Variants in PIGS observed in about 807,000 individuals in gnomAD.
The protein encoded by PIGS is GPI-anchor transamidase component PIGS.
Under a neutral mutation model 58.2 loss-of-function variants are expected in PIGS, and 37 were observed. That is an observed-to-expected ratio of 0.64 (90% CI 0.49 to 0.84). The LOEUF (loss-of-function observed/expected upper bound fraction) is 0.84. Among genes scored for constraint, PIGS ranks in the 40% least tolerant of loss-of-function variants. The probability of loss-of-function intolerance (pLI) is 0.00; values close to 1 mark genes in which losing one functional copy is unlikely to be tolerated. For missense variants in PIGS, 629 were observed against 710.8 expected (o/e 0.88, Z 1.31); for synonymous variants, 269 against 289.2 (o/e 0.93, Z 0.71).
Position 28,563,488 on chromosome 17 carries a change from T to C in PIGS, c.411A>G (p.Gln137=). 6.2e-7 allele frequency: 1 copy of C among 1,614,058 alleles called. No individual in the cohort carries two copies. Among genetic ancestry groups the C allele is most frequent in the South Asian group, 1.1e-5 (1 of 91,086 alleles). ...CGTACACAGTCAGGGAGCCCTCCGCTTGTTCCTGAGGCTCATCTAACATGG... is the reference window on the plus strand; with the variant it reads ...CGTACACAGTCAGGGAGCCCTCCGCCTGTTCCTGAGGCTCATCTAACATGG... ...AEAMLDEPQE[Q]AEGSLTVYVI... Residue 137 remains glutamine, a synonymous_variant, in exon 5 of 12, where the codon CAA becomes CAG. Transcript: ENST00000308360.
Position 28,554,254 on chromosome 17 carries a change from CG to C in PIGS, c.1633del (p.Arg545AlafsTer42). On this transcript the variant is annotated frameshift_variant, in exon 12 of 12. Coordinates refer to ENST00000308360, the MANE Select transcript of PIGS (RefSeq NM_033198.4). LOFTEE classifies it high-confidence loss of function. ...CTTCTCAGGCTTTCTCCAGGACTTG[CG>C]GGTCTCCAGGAAGATCTTGACCAGG... The part of the protein sequence containing the change: ...LSLVKIFLET[R>X]KSWRKPEKTD 6.2e-7 allele frequency: 1 copy of C among 1,614,100 alleles called. No homozygotes were observed. The highest frequency in any genetic ancestry group is 8.5e-7 in the Non-Finnish European group (1 of 1,180,000).
rs149906500 is a variant in PIGS at position 28,556,858 on chromosome 17, G to A, written c.1049C>T (p.Ala350Val). The A allele has an allele frequency of 6.2e-7, 1 of 1,614,144 alleles. No individual in the cohort carries two copies. Among genetic ancestry groups the A allele is most frequent in the East Asian group, 2.2e-5 (1 of 44,888 alleles). The part of the protein sequence containing the change: ...DKDGAPVATN[A>V]FHSPRWGGIM... The stretch of plus-strand genomic sequence containing the variant: ...GCCACCCCAGCGGGGACTATGGAAG[G>A]CATTGGTGGCCACTGGAGCGCCATC... Residue 350 changes from alanine (A) to valine (V), a missense_variant, in exon 9 of 12, where the codon GCC (alanine) becomes GTC (valine). Ala to Val is a moderately conservative substitution (Grantham distance 64). Transcript: ENST00000308360.
At chr17:28,558,406 A>T in intron 8 of PIGS, 70 bp downstream of exon 8, 1 of 1,291,630 alleles carries the variant, frequency 7.7e-7, no homozygotes, top group Non-Finnish European at 1.1e-6. Context: ...CCTGTCCCCT[A>T]CCCAGCTGAG....
intron 3 of PIGS, among the ~76,000 whole-genome samples, chr17:28,566,136 G>A (rs987599624): frequency 6.6e-6 from 1 of 151,066 alleles, no homozygotes; most frequent in African/African-American, 2.4e-5. Flanking sequence ...GAGAGCTTGA[G>A]GTAAGAGGAC....
At chr17:28,570,665 G>A (rs943040417) in intron 3 of PIGS, among the ~76,000 whole-genome samples, 187 bp downstream of exon 3, 2 of 152,316 alleles carry the variant, frequency 1.3e-5, no homozygotes, top group Admixed American at 6.5e-5. Context: ...TGTCTTACGA[G>A]TAAAATTGCT....
intron 3 of PIGS, among the ~76,000 whole-genome samples, chr17:28,570,015 T>C (rs982988521): frequency 6.6e-6 from 1 of 152,246 alleles, no homozygotes; most frequent in Non-Finnish European, 1.5e-5. Flanking sequence ...ATTACATCTC[T>C]CAAAACTTTC....
chr17:28,556,638 G>T lies in PIGS; in HGVS notation c.1080+189C>A, dbSNP rs150904482. 5.9e-4 allele frequency: 427 copies of T among 729,778 alleles called. No individual in the cohort carries two copies. The African/African-American group carries it at 7.3e-3, about 12-fold the overall frequency. The allele number at this position is 729,778 out of a possible 1,614,324, so 45.2% of individuals were successfully genotyped here. ...AAAGGGTCACAGTATAGAAAACACT[G>T]GCGGAAACAAAAGTGGGGCCGGCAG... On this transcript the variant is annotated intron_variant, in intron 9 of 11. Transcript: ENST00000308360.
At position 28,556,271 on chromosome 17, in the gene PIGS, A is replaced by C; in HGVS notation, c.1081-5T>G. On this transcript the variant is annotated splice_polypyrimidine_tract_variant and splice_region_variant and intron_variant, in intron 9 of 11. Transcript: ENST00000308360. ...TTTGGAGTCAACATTATATACCTGA[A>C]AGGGGGAATGAGATTGCCACAACAT... The C allele has an allele frequency of 6.3e-7, 1 of 1,594,634 alleles. No homozygotes were observed. The highest frequency in any genetic ancestry group is 8.6e-7 in the Non-Finnish European group (1 of 1,162,222).
chr17:28,567,585 A>C (rs1320640425), intron 3 of PIGS, among the ~76,000 whole-genome samples: 1 of 152,244 alleles, frequency 6.6e-6, no homozygotes, highest in Non-Finnish European at 1.5e-5. Context: ...CTAAATACAG[A>C]CTGAGAATTA....
In PIGS at chr17:28,554,976, G is replaced by C. The variant is rs760008554; in HGVS notation, c.1267C>G (p.Leu423Val). The stretch of plus-strand genomic sequence containing the variant: ...GACCGAGCCCAGAGCAGCCGGTCTA[G>C]CTCCCAGGTCATTAGCCCTTCACTC... ...PTSEGLMTWE[L>V]DRLLWARSVE... The change falls in exon 11 of 12, where the codon CTA becomes GTA. Residue 423 changes from leucine (L) to valine (V), a missense_variant. Transcript: ENST00000308360. The C allele has an allele frequency of 1.7e-5, 27 of 1,611,568 alleles. No homozygotes were observed. The East Asian group carries it at 6.0e-4, about 36-fold the overall frequency.
chr17:28,556,357 C>A, intron 9 of PIGS, 91 bp from the exon 10 acceptor site: 1 of 1,001,974 alleles, frequency 1.0e-6, no homozygotes. Context: ...AAAACATATT[C>A]TGTGCTCTTT....
chr17:28,571,468 T>G lies in PIGS; in HGVS notation c.29A>C (p.His10Pro), dbSNP rs879680253. MAAAGAAATHLEVARGKRAA... is the reference protein window; with the variant it reads MAAAGAAATPLEVARGKRAA... ...CCACCCGAAGCCCACCGCACCTAGG[T>G]GTGTAGCCGCAGCCCCGGCGGCCGC... The change falls in exon 1 of 12, where the codon CAC (histidine) becomes CCC (proline). Residue 10 changes from histidine to proline, a missense_variant. By Grantham distance (77) the His-to-Pro change is moderately conservative. Transcript: ENST00000308360. 1 of 1,609,792 alleles carries G rather than the reference T, an allele frequency of 6.2e-7. No homozygotes were observed. Among genetic ancestry groups the G allele is most frequent in the Admixed American group, 1.7e-5 (1 of 59,758 alleles).
At position 28,560,056 on chromosome 17, in the gene PIGS, T is replaced by G; in HGVS notation, c.812A>C (p.Asp271Ala). Reference sequence around the variant, plus strand: ...ACTTGCTCCCGGTCTCACCTGAGAGTCCACAGAGAAGTTGCCAGCGGCACC... The same window carrying G: ...ACTTGCTCCCGGTCTCACCTGAGAGGCCACAGAGAAGTTGCCAGCGGCACC... ...ALGAAGNFSV[D>A]SQILYYAMLG... Residue 271 changes from aspartate (D) to alanine (A), a missense_variant, in exon 7 of 12, where the codon GAC becomes GCC. Coordinates refer to ENST00000308360, the MANE Select transcript of PIGS (RefSeq NM_033198.4). The G allele has an allele frequency of 6.2e-7, 1 of 1,608,824 alleles. No individual in the cohort carries two copies. Among genetic ancestry groups the G allele is most frequent in the Non-Finnish European group, 8.5e-7 (1 of 1,178,226 alleles).
At position 28,563,292 on chromosome 17, in the gene PIGS, C is replaced by CAAA. The variant is rs367711574; in HGVS notation, c.468+136_468+138dup. On this transcript the variant is annotated intron_variant, in intron 5 of 11. Transcript: ENST00000308360. The stretch of plus-strand genomic sequence containing the variant: ...TAGGCAACAGAGCAAGACTCCGTCT[C>CAAA]AAAAAAAAAAAAATTTTTTTTTGGA... 8.5e-5 allele frequency: 46 copies of CAAA among 538,488 alleles called. No homozygotes were observed. The African/African-American group carries it at 8.7e-4, about 10-fold the overall frequency. The allele number at this position is 538,488 out of a possible 1,614,324, so 33.4% of individuals were successfully genotyped here. A position where few individuals can be genotyped will look rare whatever the true frequency, so the allele number is the denominator to read the frequency against.
At chr17:28,566,571 G>A (rs547812945) in intron 3 of PIGS, among the ~76,000 whole-genome samples, 75 of 150,174 alleles carry the variant, frequency 5.0e-4, no homozygotes, top group Middle Eastern at 3.5e-3. Context: ...GATTACAGGC[G>A]TGAGCCACCG....
At chr17:28,559,935 T>C (rs1458377621) in intron 7 of PIGS, 114 bp downstream of exon 7, 1 of 1,365,510 alleles carries the variant, frequency 7.3e-7, no homozygotes, top group Non-Finnish European at 9.9e-7. Flanking sequence ...CACATACATA[T>C]ACACACAGGA....
At chr17:28,567,398 G>A (rs1372474960) in intron 3 of PIGS, among the ~76,000 whole-genome samples, 1 of 150,200 alleles carries the variant, frequency 6.7e-6, no homozygotes, top group Non-Finnish European at 1.5e-5. Context: ...AATGTGAGAT[G>A]TTCTATAAAA....
In PIGS at chr17:28,561,573, G is replaced by C; in HGVS notation, c.525C>G (p.His175Gln). The change falls in exon 6 of 12, where the codon CAC (histidine) becomes CAG (glutamine). Residue 175 changes from histidine to glutamine, a missense_variant. Physicochemically the swap from His to Gln is conservative, Grantham distance 24. Coordinates refer to ENST00000308360, the MANE Select transcript of PIGS (RefSeq NM_033198.4). ...GGCCAATGATGTTAAAGGCCTCCCG[G>C]TGCATTATCCCCCGCACCACTGCTG... Reference protein sequence around the residue: ...KRTAVVRGIMHREAFNIIGRR... With the variant: ...KRTAVVRGIMQREAFNIIGRR... 6.2e-7 allele frequency: 1 copy of C among 1,613,800 alleles called. No homozygotes were observed. The highest frequency in any genetic ancestry group is 1.1e-5 in the South Asian group (1 of 90,954).
chr17:28,570,102 ATTTAT>A (rs1386440812), intron 3 of PIGS, among the ~76,000 whole-genome samples: 1 of 152,278 alleles, frequency 6.6e-6, no homozygotes, highest in African/African-American at 2.4e-5. Context: ...TTCTACTGTA[ATTTAT>A]TTTATCTTTC....
Sources: gnomAD v4.1 joint callset for allele counts (sites outside exome capture counted in the v4.1 genomes callset) on GRCh38, gnomAD v4.1.1 for gene constraint, MANE v1.5 for transcripts, NCBI Gene and HGNC (gene_info 2026-07-23, HGNC 2026-07-21) for gene names.